Variants in MYH1 observed in about 807,000 individuals in gnomAD.
MYH1 encodes myosin heavy chain 1.
MYH1 carries 214 observed loss-of-function variants against 225.6 expected under a neutral mutation model. That is an observed-to-expected ratio of 0.95 (90% CI 0.85 to 1.06). MYH1 has a LOEUF of 1.06. Among genes scored for constraint, MYH1 ranks in the 50% least tolerant of loss-of-function variants. The pLI, the probability that MYH1 is intolerant of heterozygous loss-of-function variation, is 0.00. For synonymous variants in MYH1, 774 were observed against 842.3 expected, an observed-to-expected ratio of 0.92 and a Z score of 1.40; for missense variants, 2,098 against 2,344.2, an observed-to-expected ratio of 0.89 and a Z score of 2.17.
At chr17:10,514,789 T>C in intron 6 of MYH1, 79 bp downstream of exon 6, 3 of 1,312,510 alleles carry the variant, frequency 2.3e-6, no homozygotes, top group Non-Finnish European at 3.3e-6. Context: ...GTAGAGAACA[T>C]TAACTAATTT....
At position 10,508,662 on chromosome 17, in the gene MYH1, A is replaced by G; in HGVS notation, c.1598T>C (p.Ile533Thr). The G allele has an allele frequency of 6.2e-7, 1 of 1,614,138 alleles. No homozygotes were observed. Among genetic ancestry groups the G allele is most frequent in the African/African-American group, 1.3e-5 (1 of 75,060 alleles). The part of the protein sequence containing the change: ...CIELIEKPMG[I>T]FSILEEECMF... ...GCACTCCTCTTCCAGGATGGAGAAG[A>G]TGCCCATAGGCTGGAAGAATGAAAA... Residue 533 changes from isoleucine (I) to threonine (T), a missense_variant, in exon 16 of 40, where the codon ATC becomes ACC. Physicochemically the swap from Ile to Thr is moderately conservative, Grantham distance 89. Transcript: ENST00000226207.
At chr17:10,515,310 G>C (rs769743690) in intron 5 of MYH1, among the ~76,000 whole-genome samples, 1 of 152,088 alleles carries the variant, frequency 6.6e-6, no homozygotes, top group African/African-American at 2.4e-5. Flanking sequence ...CCCTAACTTC[G>C]ATCAGCCTTC....
intron 39 of MYH1, among the ~76,000 whole-genome samples, chr17:10,492,856 T>A (rs1320331948): frequency 7.3e-6 from 1 of 136,826 alleles, no homozygotes; most frequent in Non-Finnish European, 1.6e-5. Flanking sequence ...GTTTTTTTTT[T>A]TGTTTGTTTG....
chr17:10,502,873 G>A lies in MYH1; in HGVS notation c.2976C>T (p.Thr992=), dbSNP rs761057308. 6.2e-7 allele frequency: 1 copy of A among 1,613,924 alleles called. No individual in the cohort carries two copies. Among genetic ancestry groups the A allele is most frequent in the South Asian group, 1.1e-5 (1 of 91,052 alleles). The change falls in exon 24 of 40, where the codon ACC becomes ACT. Residue 992 remains threonine, a synonymous_variant. Coordinates refer to ENST00000226207, the MANE Select transcript of MYH1 (RefSeq NM_005963.4). The part of the protein sequence containing the change: ...LTEEMAGLDE[T]IAKLTKEKKA... Reference sequence around the variant, plus strand: ...TCTTCTCCTTGGTCAGCTTAGCAATGGTTTCATCCAGACCCGCCATCTCTT... The same window carrying A: ...TCTTCTCCTTGGTCAGCTTAGCAATAGTTTCATCCAGACCCGCCATCTCTT...
rs773698460 is a variant in MYH1 at position 10,508,610 on chromosome 17, G to A, written c.1650C>T (p.Ser550=). The A allele has an allele frequency of 2.5e-6, 4 of 1,614,238 alleles. No homozygotes were observed. Among genetic ancestry groups the A allele is most frequent in the South Asian group, 1.1e-5 (1 of 91,080 alleles). The change falls in exon 16 of 40, where the codon TCC becomes TCT. Residue 550 remains serine, a synonymous_variant. Transcript: ENST00000226207. ...ECMFPKATDT[S]FKNKLYEQHL... ...GTTGTTCATACAGCTTGTTCTTGAA[G>A]GAGGTGTCTGTCGCCTTGGGGAACA...
Position 10,501,844 on chromosome 17 carries a change from T to A in MYH1, c.3179A>T (p.Glu1060Val). ...MDLERAKRKL[E>V]GDLKLAQEST... ...TTCTTGAGCCAATTTTAGGTCTCCC[T>A]CTAGTTTTCTCTTTGCTCTTTCTAG... is the stretch of plus-strand genomic sequence containing the variant. Residue 1060 changes from glutamate (E) to valine (V), a missense_variant, in exon 25 of 40, where the codon GAG (glutamate) becomes GTG (valine). Transcript: ENST00000226207. 6.2e-7 allele frequency: 1 copy of A among 1,613,508 alleles called. No homozygotes were observed. The highest frequency in any genetic ancestry group is 8.5e-7 in the Non-Finnish European group (1 of 1,179,572).
rs775550371 is a variant in MYH1 at position 10,516,051 on chromosome 17, T to G, written c.380A>C (p.Asn127Thr). The G allele has an allele frequency of 6.2e-7, 1 of 1,614,028 alleles. No homozygotes were observed. The highest frequency in any genetic ancestry group is 1.3e-5 in the African/African-American group (1 of 74,972). Residue 127 changes from asparagine (N) to threonine (T), a missense_variant, in exon 5 of 40, where the codon AAC (asparagine) becomes ACC (threonine). Transcript: ENST00000226207. Reference sequence around the variant, plus strand: ...ATACACTGGCAACCACTTGTAGGGGTTGACAGTGACACAGAACAAGCCTGA... The same window carrying G: ...ATACACTGGCAACCACTTGTAGGGGGTGACAGTGACACAGAACAAGCCTGA... ...TYSGLFCVTVNPYKWLPVYNA... is the reference protein window; with the variant it reads ...TYSGLFCVTVTPYKWLPVYNA...
rs2073226699 is a variant in MYH1, at chr17:10,516,217, G to A, written c.330C>T (p.Tyr110=). The change falls in exon 4 of 40, where the codon TAC becomes TAT. Residue 110 remains tyrosine, a synonymous_variant. Coordinates refer to ENST00000226207, the MANE Select transcript of MYH1 (RefSeq NM_005963.4). ...PAVLYNLKER[Y]AAWMIYTYSG... is the part of the protein sequence containing the mutation. Reference sequence around the variant, plus strand: ...AACTCACGTAGATCATCCAGGCTGCGTAGCGCTCTTTGAGGTTGTACAGCA... The same window carrying A: ...AACTCACGTAGATCATCCAGGCTGCATAGCGCTCTTTGAGGTTGTACAGCA... 8.1e-6 allele frequency: 13 copies of A among 1,614,210 alleles called. No homozygotes were observed. The highest frequency in any genetic ancestry group is 8.5e-6 in the Non-Finnish European group (10 of 1,180,044).
At chr17:10,504,685 A>G in intron 22 of MYH1, 125 bp downstream of exon 22, 1 of 1,109,532 alleles carries the variant, frequency 9.0e-7, no homozygotes, top group Non-Finnish European at 1.3e-6. Flanking sequence ...GAACATTCTA[A>G]GGAGTTGTGG....
In MYH1 at chr17:10,507,567, C is replaced by T. The variant is rs530053994; in HGVS notation, c.1968+319G>A. ...AGTCTCAGCTTTACTTAATCCTATCCCACTGGAGTCTTTTAAGGGTTAAAT... is the reference window on the plus strand; with the variant it reads ...AGTCTCAGCTTTACTTAATCCTATCTCACTGGAGTCTTTTAAGGGTTAAAT... On this transcript the variant is annotated intron_variant, in intron 17 of 39. Transcript: ENST00000226207. Among the ~76,000 whole-genome samples the T allele has an allele frequency of 2.2e-4, 33 of 152,274 alleles. No individual in the cohort carries two copies. The South Asian group carries it at 3.9e-3, about 18-fold the overall frequency.
Position 10,513,611 on chromosome 17 carries a change from G to A in MYH1, c.805+15C>T. Reference sequence around the variant, plus strand: ...TGTCATTCTTGGATTCTATTTAGGAGGTCCTGTTACTCACATGTTTCAATA... The same window carrying A: ...TGTCATTCTTGGATTCTATTTAGGAAGTCCTGTTACTCACATGTTTCAATA... On this transcript the variant is annotated intron_variant, in intron 9 of 39. Coordinates refer to ENST00000226207, the MANE Select transcript of MYH1 (RefSeq NM_005963.4). 7 of 1,611,396 alleles carry A rather than the reference G, an allele frequency of 4.3e-6. No individual in the cohort carries two copies. The highest frequency in any genetic ancestry group is 5.9e-6 in the Non-Finnish European group (7 of 1,177,584).
Position 10,495,026 on chromosome 17 carries a change from C to G in MYH1, c.5371G>C (p.Glu1791Gln), listed in dbSNP as rs2142253575. 1 of 1,614,220 alleles carries G rather than the reference C, an allele frequency of 6.2e-7. No individual in the cohort carries two copies. Among genetic ancestry groups the G allele is most frequent in the Admixed American group, 1.7e-5 (1 of 60,024 alleles). ...TGCTGCAGGTCCTTCACCGTCTGTT[C>G]CAGGTTCTTCTTCATCCGCTCCAGA... The part of the protein sequence containing the change: ...AHLERMKKNL[E>Q]QTVKDLQHRL... The change falls in exon 37 of 40, where the codon GAA (glutamate) becomes CAA (glutamine). Residue 1791 changes from glutamate to glutamine, a missense_variant. Glu to Gln is a conservative substitution (Grantham distance 29). Coordinates refer to ENST00000226207, the MANE Select transcript of MYH1 (RefSeq NM_005963.4).
At position 10,507,960 on chromosome 17, in the gene MYH1, A is replaced by AG. The variant is rs2073130206; in HGVS notation, c.1898-5dup. The stretch of plus-strand genomic sequence containing the variant: ...CCTTTCTTTCCACCGCCAGCCTCTG[A>AG]GGGGAAAAAGAAAGCAATCATAGGA... On this transcript the variant is annotated splice_polypyrimidine_tract_variant and splice_region_variant and intron_variant, in intron 16 of 39. Coordinates refer to ENST00000226207, the MANE Select transcript of MYH1 (RefSeq NM_005963.4). The AG allele has an allele frequency of 1.2e-6, 2 of 1,610,244 alleles. No individual in the cohort carries two copies. Among genetic ancestry groups the AG allele is most frequent in the African/African-American group, 2.7e-5 (2 of 74,658 alleles).
chr17:10,499,200 A>G (rs1476132374), intron 28 of MYH1, 108 bp from the exon 29 acceptor site: 2 of 885,638 alleles, frequency 2.3e-6, no homozygotes, highest in Non-Finnish European at 3.7e-6. Context: ...GATGGAGGGC[A>G]TGGGTGACAA....
chr17:10,493,400 T>C (rs1394480345), intron 39 of MYH1, among the ~76,000 whole-genome samples: 1 of 152,064 alleles, frequency 6.6e-6, no homozygotes, highest in African/African-American at 2.4e-5. Flanking sequence ...AGGGGTAAAA[T>C]AAAAACCATC....
chr17:10,509,783 CA>C (rs1168924360), intron 14 of MYH1, 128 bp from the exon 15 acceptor site: 3 of 1,511,826 alleles, frequency 2.0e-6, no homozygotes. Flanking sequence ...TATACCTACA[CA>C]ATGAAGTTTT....
At position 10,505,214 on chromosome 17, in the gene MYH1, A is replaced by G. The variant is rs1335499154; in HGVS notation, c.2384T>C (p.Met795Thr). ...CACTCTTGCCAAGAACCCTCTGCAC[A>G]TGGCCTGGGTTCGGGTAATCAGCTG... ...LAQLITRTQA[M>T]CRGFLARVEY... Residue 795 changes from methionine to threonine, a missense_variant, in exon 21 of 40, where the codon ATG (methionine) becomes ACG (threonine). Coordinates refer to ENST00000226207, the MANE Select transcript of MYH1 (RefSeq NM_005963.4). The G allele has an allele frequency of 6.2e-7, 1 of 1,614,222 alleles. No homozygotes were observed. The highest frequency in any genetic ancestry group is 8.5e-7 in the Non-Finnish European group (1 of 1,180,032).
rs115572362 is a variant in MYH1, at chr17:10,498,388, A to T, written c.4181+238T>A. 5.5e-3 allele frequency among the ~76,000 whole-genome samples: 843 copies of T among 152,330 alleles called. 6 individuals carry two copies. Among genetic ancestry groups the T allele is most frequent in the African/African-American group, 0.019 (807 of 41,576 alleles). On this transcript the variant is annotated intron_variant, in intron 30 of 39. Transcript: ENST00000226207. The stretch of plus-strand genomic sequence containing the variant: ...AAATATACTTGATTTTGTCTGTCTA[A>T]TTGTATCCCTTATTTGTGCTAGTTT...
In MYH1 at chr17:10,494,674, C is replaced by G. The variant is rs749450340; in HGVS notation, c.5467-1G>C. 13 of 1,613,648 alleles carry G rather than the reference C, an allele frequency of 8.1e-6. No individual in the cohort carries two copies. Among genetic ancestry groups the G allele is most frequent in the Non-Finnish European group, 1.1e-5 (13 of 1,179,938 alleles). On this transcript the variant is annotated splice_acceptor_variant, in intron 37 of 39. Coordinates refer to ENST00000226207, the MANE Select transcript of MYH1 (RefSeq NM_005963.4). LOFTEE classifies it high-confidence loss of function. ...CAACTTCACCTTCAAGTTCACGAAC[C>G]TACAAGAAGATGGACATTTTAAGGA...
Sources: gnomAD v4.1 joint callset for allele counts (sites outside exome capture counted in the v4.1 genomes callset) on GRCh38, gnomAD v4.1.1 for gene constraint, MANE v1.5 for transcripts, NCBI Gene and HGNC (gene_info 2026-07-23, HGNC 2026-07-21) for gene names.